The following MAD1L1 variants were observed in gnomAD, a reference collection of about 807,000 sequenced individuals.
The protein encoded by MAD1L1 is mitotic arrest deficient 1 like 1, also known as mitotic spindle assembly checkpoint protein MAD1.
Under a neutral mutation model 96.9 loss-of-function variants are expected in MAD1L1, and 95 were observed. The observed-to-expected ratio is 0.98, with a 90% CI of 0.83 to 1.16. MAD1L1 has a LOEUF of 1.16. MAD1L1 is among the 50% of genes most tolerant of loss of function. The pLI, the probability that MAD1L1 is intolerant of heterozygous loss-of-function variation, is 0.00. For synonymous variants in MAD1L1, 473 were observed against 396.6 expected, an observed-to-expected ratio of 1.19 and a Z score of -2.29; for missense variants, 1,007 against 954.4, an observed-to-expected ratio of 1.06 and a Z score of -0.73.
intron 10 of MAD1L1, among the ~76,000 whole-genome samples, chr7:2,150,280 C>A (rs1029593258): frequency 1.3e-5 from 2 of 152,110 alleles, no homozygotes; most frequent in African/African-American, 4.8e-5. Flanking sequence ...CTCCTCTCTG[C>A]GAGTCAGCCA....
intron 18 of MAD1L1, among the ~76,000 whole-genome samples, chr7:1,874,090 A>G (rs1785248310): frequency 1.3e-5 from 2 of 152,118 alleles, no homozygotes; most frequent in South Asian, 4.1e-4. Context: ...GCCACCGGGG[A>G]TCCCGGGACG....
At chr7:2,134,512 A>C (rs1788662129) in intron 11 of MAD1L1, among the ~76,000 whole-genome samples, 2 of 152,234 alleles carry the variant, frequency 1.3e-5, no homozygotes, top group African/African-American at 2.4e-5. Context: ...ACGACAGCGA[A>C]TAGGAGTGGT....
In MAD1L1 at chr7:2,054,029, G is replaced by A. The variant is rs375866390; in HGVS notation, c.1218+15165C>T. On this transcript the variant is annotated intron_variant, in intron 12 of 18. Transcript: ENST00000265854. ...GGCGGGAGGGGTCAGGGCTGCACCC[G>A]GGTGCCCGCAGACAGGGCACTCCCA... Among the ~76,000 whole-genome samples the A allele has an allele frequency of 1.7e-4, 26 of 152,296 alleles. 2 individuals are homozygous for A. The highest frequency in any genetic ancestry group is 4.8e-4 in the African/African-American group (20 of 41,564).
At chr7:2,228,945 G>T (rs1384041391) in intron 3 of MAD1L1, among the ~76,000 whole-genome samples, 1 of 151,930 alleles carries the variant, frequency 6.6e-6, no homozygotes, top group African/African-American at 2.4e-5. Flanking sequence ...GTGTTAGCCA[G>T]GATGATCTTG....
chr7:1,987,336 C>T (rs1179674097), intron 14 of MAD1L1, among the ~76,000 whole-genome samples: 1 of 152,228 alleles, frequency 6.6e-6, no homozygotes, highest in South Asian at 2.1e-4. Context: ...TGGACGGGCA[C>T]ACGGGTGGGC....
intron 10 of MAD1L1, among the ~76,000 whole-genome samples, chr7:2,162,847 A>G (rs951608876): frequency 1.5e-4 from 23 of 151,628 alleles, no homozygotes; most frequent in African/African-American, 5.3e-4. Context: ...TTCTTCGAAC[A>G]TGAGTCCATT....
chr7:1,847,836 GTCAAGTGAGGC>G (rs1783728185), intron 18 of MAD1L1: 2 of 395,436 alleles, frequency 5.1e-6, no homozygotes, highest in South Asian at 3.7e-5. Flanking sequence ...CACTTGCTGT[GTCAAGTGAGGC>G]TCCCACGTGC....
At chr7:1,865,848 G>A (rs920690835) in intron 18 of MAD1L1, among the ~76,000 whole-genome samples, 2 of 152,354 alleles carry the variant, frequency 1.3e-5, no homozygotes, top group Admixed American at 1.3e-4. Context: ...CCTGTGCACC[G>A]CCTGGGGGCT....
chr7:2,010,069 GGTTTTT>G (rs1282079491), intron 13 of MAD1L1, among the ~76,000 whole-genome samples: 8 of 114,852 alleles, frequency 7.0e-5, no homozygotes, highest in African/African-American at 2.3e-4. Context: ...ATTTTTAACA[GGTTTTT>G]TTTTTTTTTT....
chr7:1,871,240 C>CTGAACCCAACATAAGA (rs1562476512), intron 18 of MAD1L1, among the ~76,000 whole-genome samples: 8 of 143,960 alleles, frequency 5.6e-5, no homozygotes, highest in Non-Finnish European at 9.0e-5. Context: ...CCAACATACG[C>CTGAACCCAACATAAGA]CTGCCACGCT....
intron 11 of MAD1L1, among the ~76,000 whole-genome samples, chr7:2,105,955 G>T (rs917158913): frequency 2.1e-5 from 3 of 144,542 alleles, no homozygotes; most frequent in African/African-American, 7.6e-5. Flanking sequence ...CAACCAAAGG[G>T]CACCAACACC....
At chr7:2,060,374 G>A (rs73047102) in intron 12 of MAD1L1, among the ~76,000 whole-genome samples, 8,899 of 151,652 alleles carry the variant, frequency 0.059, 382 homozygotes, top group Admixed American at 0.11. Flanking sequence ...AAGATACACC[G>A]ATGCCGAGAT....
intron 12 of MAD1L1, among the ~76,000 whole-genome samples, chr7:2,063,315 G>A (rs924724654): frequency 2.0e-5 from 3 of 152,224 alleles, no homozygotes; most frequent in Admixed American, 6.5e-5. Context: ...CCCTGGCTCC[G>A]CGTCCTCACT....
At chr7:2,201,536 C>T (rs1260137178) in intron 10 of MAD1L1, among the ~76,000 whole-genome samples, 2 of 152,232 alleles carry the variant, frequency 1.3e-5, no homozygotes, top group African/African-American at 2.4e-5. Flanking sequence ...CTGGAACCTA[C>T]GGCAGCCGGA....
chr7:2,132,358 A>G (rs1788551931), intron 11 of MAD1L1, among the ~76,000 whole-genome samples: 1 of 152,168 alleles, frequency 6.6e-6, no homozygotes, highest in Non-Finnish European at 1.5e-5. Flanking sequence ...AGACGAACGC[A>G]TGTCTGCAGT....
chr7:1,839,468 G>A (rs532584772), intron 18 of MAD1L1, among the ~76,000 whole-genome samples: 11 of 152,316 alleles, frequency 7.2e-5, no homozygotes, highest in African/African-American at 2.6e-4. Context: ...TGGGCCTGGG[G>A]CGGGGAACCA....
At chr7:2,229,857 G>T in intron 3 of MAD1L1, 127 bp downstream of exon 3, 1 of 1,036,942 alleles carries the variant, frequency 9.6e-7, no homozygotes, top group East Asian at 2.5e-5. Flanking sequence ...GTGAGACCTG[G>T]GAGACGAATA....
In MAD1L1 at chr7:2,230,108, ATGG is replaced by A; in HGVS notation, c.23_25del (p.Thr8del). On this transcript the variant is annotated inframe_deletion, in exon 3 of 19. Coordinates refer to ENST00000265854, the MANE Select transcript of MAD1L1 (RefSeq NM_001013836.2). ...CAAAGATCTCAGGGTGGATAAAACC[ATGG>A]TGTTTTCCCCCAGGTCTTCCATGGT... 6 of 1,603,636 alleles carry A rather than the reference ATGG, an allele frequency of 3.7e-6. No homozygotes were observed. Among genetic ancestry groups the A allele is most frequent in the Non-Finnish European group, 5.1e-6 (6 of 1,174,934 alleles).
chr7:1,828,870 G>A (rs1324581916), intron 18 of MAD1L1, among the ~76,000 whole-genome samples: 1 of 152,082 alleles, frequency 6.6e-6, no homozygotes, highest in Admixed American at 6.6e-5. Context: ...AAAAATTGAG[G>A]ATAGACATAA....
Sources: allele counts gnomAD v4.1 joint callset (sites outside exome capture counted in the v4.1 genomes callset), GRCh38; gene constraint gnomAD v4.1.1; transcripts MANE v1.5; gene names NCBI Gene and HGNC (gene_info 2026-07-23, HGNC 2026-07-21).